Variants in SBNO2 observed in about 807,000 individuals in gnomAD.
SBNO2 encodes strawberry notch homolog 2.
A neutral mutation model predicts 146.3 loss-of-function variants in SBNO2; 89 were observed. The observed-to-expected ratio is 0.61, with a 90% CI of 0.51 to 0.73. The LOEUF (loss-of-function observed/expected upper bound fraction) is 0.73, where lower values mean the gene tolerates loss of function less well. Ranked by LOEUF, SBNO2 falls within the 30% of genes least tolerant of loss-of-function variation. SBNO2 has a pLI of 0.00. For synonymous variants in SBNO2, 1,147 were observed against 892.6 expected (o/e 1.29, Z -5.08); for missense variants, 2,092 against 2,003.7 (o/e 1.04, Z -0.84).
At chr19:1,166,776 G>A (rs999445512) in intron 1 of SBNO2, among the ~76,000 whole-genome samples, 2 of 152,172 alleles carry the variant, frequency 1.3e-5, no homozygotes, top group Non-Finnish European at 2.9e-5. Flanking sequence ...CCAGACTTCC[G>A]GTCCTTTGAA....
intron 14 of SBNO2, 128 bp downstream of exon 14, chr19:1,118,883 A>AAAC (rs2079864270): frequency 1.0e-6 from 1 of 963,680 alleles, no homozygotes; most frequent in Non-Finnish European, 1.5e-6. Context: ...AAAACAACAA[A>AAAC]AAAAAAACCC....
chr19:1,123,538 G>C lies in SBNO2; in HGVS notation c.624C>G (p.Ser208=), dbSNP rs750696725. 1.9e-6 allele frequency: 3 copies of C among 1,613,174 alleles called. No individual in the cohort carries two copies. Among genetic ancestry groups the C allele is most frequent in the South Asian group, 2.2e-5 (2 of 91,068 alleles). Residue 208 remains serine, a synonymous_variant, in exon 7 of 32, where the codon TCC becomes TCG. Transcript: ENST00000361757. ...HTETYADYVP[S]KSKIGKQHPD... is the part of the protein sequence containing the mutation. ...GGGTGCAGCCGGGCCACTCACACTT[G>C]GACGGCACGTAGTCGGCGTAGGTCT...
At position 1,109,849 on chromosome 19, in the gene SBNO2, A is replaced by G. The variant is rs2079733712; in HGVS notation, c.3029-72T>C. The G allele has an allele frequency of 8.5e-7, 1 of 1,179,518 alleles. No homozygotes were observed. Among genetic ancestry groups the G allele is most frequent in the Non-Finnish European group, 1.2e-6 (1 of 830,900 alleles). 73.1% of individuals were successfully genotyped at this position (1,179,518 alleles called of 1,614,324 possible). ...GGGCTGGGGCCAGGGTCAGTCCCGT[A>G]GCCGGGGCGCACCCTAGAGACGACC... On this transcript the variant is annotated intron_variant, in intron 26 of 31. Coordinates refer to ENST00000361757, the MANE Select transcript of SBNO2 (RefSeq NM_014963.3). The surrounding 1 kb of genome is among the most constrained non-coding windows in gnomAD (Gnocchi z 4.2).
chr19:1,147,811 C>A (rs139546692), intron 3 of SBNO2, among the ~76,000 whole-genome samples: 2 of 152,116 alleles, frequency 1.3e-5, no homozygotes, highest in Non-Finnish European at 2.9e-5. Flanking sequence ...ACACCTCACT[C>A]CCGCCTCGAA....
rs1381796724 is a variant in SBNO2, at chr19:1,150,764, C to T, written c.94-1322G>A. 1.3e-5 allele frequency among the ~76,000 whole-genome samples: 2 copies of T among 152,194 alleles called. No homozygotes were observed. The highest frequency in any genetic ancestry group is 2.9e-5 in the Non-Finnish European group (2 of 68,014). On this transcript the variant is annotated intron_variant, in intron 2 of 31. Transcript: ENST00000361757. The surrounding 1 kb of genome is among the most constrained non-coding windows in gnomAD (Gnocchi z 6.2). The stretch of plus-strand genomic sequence containing the variant: ...CCCTGGGGCTCGGCCACCTCTGCCC[C>T]TCATTCACCTCACACTGGCTGGGAA...
rs1254646290 is a variant in SBNO2 at position 1,111,855 on chromosome 19, G to T, written c.2700+141C>A. ...CTAGAAGCCCCCTTCCCCCCTGGGG[G>T]TCCTAGACCCGGCCCTCCTCCAGAC... On this transcript the variant is annotated intron_variant, in intron 23 of 31. Transcript: ENST00000361757. 11 of 894,786 alleles carry T rather than the reference G, an allele frequency of 1.2e-5. No individual in the cohort carries two copies. The South Asian group carries it at 1.3e-4, about 11-fold the overall frequency. The allele number at this position is 894,786 out of a possible 1,614,324, so 55.4% of individuals were successfully genotyped here.
chr19:1,111,026 C>T lies in SBNO2; in HGVS notation c.2877G>A (p.Val959=), dbSNP rs576378029. The T allele has an allele frequency of 7.6e-5, 120 of 1,582,578 alleles. No homozygotes were observed. The highest frequency in any genetic ancestry group is 9.3e-5 in the Non-Finnish European group (108 of 1,165,168). ...GRESRNGCLD[V]EKDCSITKFL... is the part of the protein sequence containing the mutation. ...TGGGTGTGGGGCACTCACCCTTCTCCACGTCCAGGCAGCCATTCCGGGACT... is the reference window on the plus strand; with the variant it reads ...TGGGTGTGGGGCACTCACCCTTCTCTACGTCCAGGCAGCCATTCCGGGACT... The change falls in exon 25 of 32, where the codon GTG becomes GTA. Residue 959 remains valine (V), a synonymous_variant. Coordinates refer to ENST00000361757, the MANE Select transcript of SBNO2 (RefSeq NM_014963.3).
intron 1 of SBNO2, chr19:1,169,265 C>T (rs926085692): frequency 2.6e-5 from 4 of 152,354 alleles, no homozygotes; most frequent in Non-Finnish European, 5.9e-5. Flanking sequence ...CACCCCATCA[C>T]TCATGGGGTT....
chr19:1,161,630 T>C lies in SBNO2; in HGVS notation c.-126-7228A>G, dbSNP rs1461255991. ...ACACAGCTTTACCTCTTGGGCCCGATGAAGCGGGTCTCAGGATGCCCAGGA... is the reference window on the plus strand; with the variant it reads ...ACACAGCTTTACCTCTTGGGCCCGACGAAGCGGGTCTCAGGATGCCCAGGA... On this transcript the variant is annotated intron_variant, in intron 1 of 31. Transcript: ENST00000361757. 5.3e-5 allele frequency among the ~76,000 whole-genome samples: 8 copies of C among 151,530 alleles called. No individual in the cohort carries two copies. In the East Asian group the frequency reaches 5.8e-4, roughly 11 times the overall value.
intron 31 of SBNO2, 23 bp downstream of exon 31, chr19:1,108,753 TCCC>T: frequency 6.3e-7 from 1 of 1,592,598 alleles, no homozygotes; most frequent in Non-Finnish European, 8.5e-7. Context: ...GCTCGGGCCT[TCCC>T]GGGGCGCCCG....
rs1020587741 is a variant in SBNO2 at position 1,150,100 on chromosome 19, A to T, written c.94-658T>A. On this transcript the variant is annotated intron_variant, in intron 2 of 31. Transcript: ENST00000361757. This position sits in a 1 kb window ranked among gnomAD's most constrained non-coding sequence, Gnocchi z 6.2. ...GGTCAGTGGAGGCGTGAGTGGCTCCAGGTTGGCCGAATCTCTGGTGGGTCT... is the reference window on the plus strand; with the variant it reads ...GGTCAGTGGAGGCGTGAGTGGCTCCTGGTTGGCCGAATCTCTGGTGGGTCT... 6.6e-6 allele frequency among the ~76,000 whole-genome samples: 1 copy of T among 152,094 alleles called. No homozygotes were observed. Among genetic ancestry groups the T allele is most frequent in the Admixed American group, 6.5e-5 (1 of 15,280 alleles).
At chr19:1,123,748 G>C in intron 6 of SBNO2, 109 bp from the exon 7 acceptor site, 4 of 1,197,804 alleles carry the variant, frequency 3.3e-6, no homozygotes, top group South Asian at 1.4e-5. Context: ...GAGTGACCCA[G>C]GGGTGGGAGA....
chr19:1,119,702 C>A, intron 12 of SBNO2, 81 bp from the exon 13 acceptor site: 1 of 1,234,644 alleles, frequency 8.1e-7, no homozygotes, highest in South Asian at 1.3e-5. Context: ...TTGGGACCAC[C>A]CGACGAGGGG....
In SBNO2 at chr19:1,112,542, G is replaced by A. The variant is rs769254335; in HGVS notation, c.2380-5C>T. 1.9e-6 allele frequency: 3 copies of A among 1,594,514 alleles called. No homozygotes were observed. Among genetic ancestry groups the A allele is most frequent in the Admixed American group, 1.7e-5 (1 of 58,788 alleles). On this transcript the variant is annotated splice_region_variant and splice_polypyrimidine_tract_variant and intron_variant, in intron 20 of 31. Transcript: ENST00000361757. This position sits in a 1 kb window ranked among gnomAD's most constrained non-coding sequence, Gnocchi z 5.9. ...CTCCGAGATGATGGCCACGAGCTAG[G>A]GGGAAAGAAGGGGCCGGGACACGGT...
rs537617041 is a variant in SBNO2, at chr19:1,154,379, C to T, written c.-103G>A. ...ATCTGGGCTTCTCGCTCCGTGGTGG[C>T]GGCGGTGGCGGCAGCATCATGATCT... On this transcript the variant is annotated 5_prime_UTR_variant, in exon 2 of 32. Transcript: ENST00000361757. 4 of 506,986 alleles carry T rather than the reference C, an allele frequency of 7.9e-6. No individual in the cohort carries two copies. Among genetic ancestry groups the T allele is most frequent in the South Asian group, 9.9e-5 (1 of 10,142 alleles). The allele number at this position is 506,986 out of a possible 1,614,324, so 31.4% of individuals were successfully genotyped here. A position where few individuals can be genotyped will look rare whatever the true frequency, so the allele number is the denominator to read the frequency against.
chr19:1,120,917 A>C (rs2079893790), intron 11 of SBNO2, among the ~76,000 whole-genome samples: 1 of 150,366 alleles, frequency 6.7e-6, no homozygotes, highest in African/African-American at 2.5e-5. Flanking sequence ...GATGAGACAC[A>C]GTCTCGCTCT....
rs11084886 is a variant in SBNO2 at position 1,150,591 on chromosome 19, G to A, written c.94-1149C>T. On this transcript the variant is annotated intron_variant, in intron 2 of 31. Transcript: ENST00000361757. The surrounding 1 kb of genome is among the most constrained non-coding windows in gnomAD (Gnocchi z 6.2). ...GGTCATGGGGGAGACACCACCAGCC[G>A]GGGGCATCATCCTGCTTATCCCAGC... 2.6e-4 allele frequency among the ~76,000 whole-genome samples: 39 copies of A among 151,856 alleles called. No individual in the cohort carries two copies. In the East Asian group the frequency reaches 7.0e-3, roughly 27 times the overall value.
In SBNO2 at chr19:1,136,267, T is replaced by A. The variant is rs2080083816; in HGVS notation, c.280-8502A>T. 6.6e-6 allele frequency among the ~76,000 whole-genome samples: 1 copy of A among 152,194 alleles called. No individual in the cohort carries two copies. The highest frequency in any genetic ancestry group is 1.5e-5 in the Non-Finnish European group (1 of 68,010). On this transcript the variant is annotated intron_variant, in intron 4 of 31. Coordinates refer to ENST00000361757, the MANE Select transcript of SBNO2 (RefSeq NM_014963.3). The surrounding 1 kb of genome is among the most constrained non-coding windows in gnomAD (Gnocchi z 4.2). ...GGGACAGAGTCCTGGCCTTTGAAGCTGTGTGTGCTGCTTCCTCACAGCAGC... is the reference window on the plus strand; with the variant it reads ...GGGACAGAGTCCTGGCCTTTGAAGCAGTGTGTGCTGCTTCCTCACAGCAGC...
intron 4 of SBNO2, among the ~76,000 whole-genome samples, chr19:1,145,166 CAG>C (rs2080177907): frequency 6.6e-6 from 1 of 151,398 alleles, no homozygotes; most frequent in African/African-American, 2.4e-5. Context: ...GAGAGAGAGA[CAG>C]AGAAAAGAAA....
Sources: allele counts gnomAD v4.1 joint callset (sites outside exome capture counted in the v4.1 genomes callset), GRCh38; gene constraint gnomAD v4.1.1; non-coding constraint Gnocchi (gnomAD v3.1); transcripts MANE v1.5; gene names NCBI Gene and HGNC (gene_info 2026-07-23, HGNC 2026-07-21).